ST14: variants seen among roughly 807,000 people sequenced by gnomAD.
ST14 encodes the protein suppressor of tumorigenicity 14 protein.
ST14 carries 40 observed loss-of-function variants against 96.5 expected under a neutral mutation model. That is an observed-to-expected ratio of 0.41 (90% CI 0.32 to 0.54). The LOEUF (loss-of-function observed/expected upper bound fraction) is 0.54, where lower values mean the gene tolerates loss of function less well. ST14 is among the 20% of genes least tolerant of loss of function. The pLI, the probability that ST14 is intolerant of heterozygous loss-of-function variation, is 0.17. For synonymous variants in ST14, 506 were observed against 492.1 expected (o/e 1.03, Z -0.37); for missense variants, 1,066 against 1,188.9 (o/e 0.90, Z 1.52).
intron 7 of ST14, 25 bp from the exon 8 acceptor site, chr11:130,194,124 T>C: frequency 6.2e-7 from 1 of 1,614,152 alleles, no homozygotes. Flanking sequence ...CTGCTCTTCC[T>C]AATGCCCGCC....
chr11:130,163,923 G>GA (rs1953021760), intron 1 of ST14, among the ~76,000 whole-genome samples: 1 of 152,202 alleles, frequency 6.6e-6, no homozygotes, highest in Admixed American at 6.5e-5. Flanking sequence ...TGCGGAAGGA[G>GA]AACGAGTCAC....
Position 130,190,691 on chromosome 11 carries a change from T to G in ST14, c.872T>G (p.Val291Gly). ...TLSPMEPHAL[V>G]QLCGTYPPSY... ...AGCCCCATGGAGCCCCACGCCCTGG[T>G]GCAGTGAGTACCCCGGGGGGCGGGT... The change falls in exon 7 of 19, where the codon GTG (valine) becomes GGG (glycine). Residue 291 changes from valine to glycine, a missense_variant. Transcript: ENST00000278742. 2 of 1,582,480 alleles carry G rather than the reference T, an allele frequency of 1.3e-6. No homozygotes were observed. Among genetic ancestry groups the G allele is most frequent in the Non-Finnish European group, 1.7e-6 (2 of 1,165,056 alleles).
intron 1 of ST14, among the ~76,000 whole-genome samples, chr11:130,182,290 T>C (rs1591883611): frequency 6.6e-6 from 1 of 152,178 alleles, no homozygotes; most frequent in African/African-American, 2.4e-5. Context: ...ATTATTTCAT[T>C]ACATTTCTTT....
Position 130,188,711 on chromosome 11 carries a change from T to G in ST14, c.369+54T>G. ...GGGCTGTGTGCGCTGGTGTCCCACC[T>G]GCTGGGCAGGAGGGACATGCCTCGC... On this transcript the variant is annotated intron_variant, in intron 3 of 18. Transcript: ENST00000278742. The surrounding 1 kb of genome is among the most constrained non-coding windows in gnomAD (Gnocchi z 5.4). 6.2e-7 allele frequency: 1 copy of G among 1,613,622 alleles called. No homozygotes were observed. The highest frequency in any genetic ancestry group is 8.5e-7 in the Non-Finnish European group (1 of 1,179,800).
intron 1 of ST14, among the ~76,000 whole-genome samples, chr11:130,163,669 G>A (rs1953016414): frequency 6.6e-6 from 1 of 152,224 alleles, no homozygotes; most frequent in Non-Finnish European, 1.5e-5. Context: ...GGATTGTCCT[G>A]TAGGTGGGGC....
At position 130,197,836 on chromosome 11, in the gene ST14, C is replaced by G. The variant is rs370651991; in HGVS notation, c.1355-5C>G. On this transcript the variant is annotated splice_region_variant and splice_polypyrimidine_tract_variant and intron_variant, in intron 11 of 18. Coordinates refer to ENST00000278742, the MANE Select transcript of ST14 (RefSeq NM_021978.4). ...TGGGGGCCTCAGGCCTGCCTGTGCC[C>G]GCAGCATGCCCGGGGCAGTTCACGT... 6.4e-7 allele frequency: 1 copy of G among 1,562,696 alleles called. No homozygotes were observed. The highest frequency in any genetic ancestry group is 2.4e-5 in the East Asian group (1 of 42,318).
chr11:130,197,582 G>A (rs963110631), intron 11 of ST14, among the ~76,000 whole-genome samples: 10 of 152,238 alleles, frequency 6.6e-5, no homozygotes, highest in African/African-American at 2.4e-4. Flanking sequence ...GGGCTTCCTG[G>A]GCTTCGATCC....
At chr11:130,209,366 G>A in intron 17 of ST14, 76 bp from the exon 18 acceptor site, 1 of 1,539,190 alleles carries the variant, frequency 6.5e-7, no homozygotes, top group Non-Finnish European at 8.8e-7. Context: ...CTAGTCCAAT[G>A]ACCCGTGGGG....
In ST14 at chr11:130,188,717, G is replaced by T. The variant is rs757758824; in HGVS notation, c.369+60G>T. On this transcript the variant is annotated intron_variant, in intron 3 of 18. Transcript: ENST00000278742. The surrounding 1 kb of genome is among the most constrained non-coding windows in gnomAD (Gnocchi z 5.4). ...TGTGCGCTGGTGTCCCACCTGCTGG[G>T]CAGGAGGGACATGCCTCGCCTGTGC... 7.4e-6 allele frequency: 12 copies of T among 1,613,416 alleles called. No homozygotes were observed. Among genetic ancestry groups the T allele is most frequent in the Non-Finnish European group, 1.0e-5 (12 of 1,179,844 alleles).
At chr11:130,175,275 G>T (rs906225881) in intron 1 of ST14, among the ~76,000 whole-genome samples, 48 of 152,038 alleles carry the variant, frequency 3.2e-4, no homozygotes, top group African/African-American at 1.0e-3. Flanking sequence ...GTCCCAGAGG[G>T]CTAGAACATA....
intron 10 of ST14, 59 bp from the exon 11 acceptor site, chr11:130,196,511 C>A (rs1953366171): frequency 3.2e-6 from 5 of 1,561,772 alleles, no homozygotes; most frequent in African/African-American, 2.7e-5. Flanking sequence ...TCCCACCAGA[C>A]CCCCAGCCCC....
chr11:130,198,385 G>T lies in ST14; in HGVS notation c.1537G>T (p.Asp513Tyr), dbSNP rs551890002. ...PLFWVCDSVNDCGDNSDEQGC... is the reference protein window; with the variant it reads ...PLFWVCDSVNYCGDNSDEQGC... Reference sequence around the variant, plus strand: ...CTTCTGGGTCTGCGACAGTGTGAACGACTGCGGAGACAACAGCGACGAGCA... The same window carrying T: ...CTTCTGGGTCTGCGACAGTGTGAACTACTGCGGAGACAACAGCGACGAGCA... The change falls in exon 13 of 19, where the codon GAC (aspartate) becomes TAC (tyrosine). Residue 513 changes from aspartate to tyrosine, a missense_variant. By Grantham distance (160) the Asp-to-Tyr change is radical (BLOSUM62 -3). Transcript: ENST00000278742. The T allele has an allele frequency of 2.5e-6, 4 of 1,614,182 alleles. No individual in the cohort carries two copies. The highest frequency in any genetic ancestry group is 3.4e-6 in the Non-Finnish European group (4 of 1,180,034).
chr11:130,190,223 G>T, intron 6 of ST14, 75 bp downstream of exon 6: 1 of 1,579,980 alleles, frequency 6.3e-7, no homozygotes, highest in Non-Finnish European at 8.7e-7. Flanking sequence ...AGCCAGTGGG[G>T]TCCCCAGAAG....
chr11:130,208,053 G>T (rs1953506986), intron 16 of ST14, among the ~76,000 whole-genome samples: 1 of 151,826 alleles, frequency 6.6e-6, no homozygotes, highest in Admixed American at 6.6e-5. Context: ...CAGTCTGGGT[G>T]ACAGAGCGAG....
rs937362383 is a variant in ST14, at chr11:130,188,459, A to G, written c.242-71A>G. The G allele has an allele frequency of 1.2e-6, 2 of 1,610,260 alleles. No homozygotes were observed. Among genetic ancestry groups the G allele is most frequent in the East Asian group, 2.2e-5 (1 of 44,858 alleles). The stretch of plus-strand genomic sequence containing the variant: ...GGCCCCCTCCTGGCATTCATTCCCC[A>G]TTGTGGACGGCGAGGGACAGGCGGG... On this transcript the variant is annotated intron_variant, in intron 2 of 18. Transcript: ENST00000278742. The surrounding 1 kb of genome is among the most constrained non-coding windows in gnomAD (Gnocchi z 5.4).
At chr11:130,198,049 T>C in intron 12 of ST14, 104 bp downstream of exon 12, 1 of 1,237,828 alleles carries the variant, frequency 8.1e-7, no homozygotes, top group Non-Finnish European at 1.1e-6. Context: ...CCGGAGGTGG[T>C]GGGAGTTTTT....
chr11:130,188,804 C>G lies in ST14; in HGVS notation c.370-65C>G. ...GACCCGGGCCCTGGAGGGGAGGGAG[C>G]AGCCCGGGCTTGGGGCAGGGTCATC... On this transcript the variant is annotated intron_variant, in intron 3 of 18. Transcript: ENST00000278742. This position sits in a 1 kb window ranked among gnomAD's most constrained non-coding sequence, Gnocchi z 5.4. 6.2e-7 allele frequency: 1 copy of G among 1,602,224 alleles called. No homozygotes were observed. Among genetic ancestry groups the G allele is most frequent in the South Asian group, 1.1e-5 (1 of 90,270 alleles).
At chr11:130,173,530 AG>A (rs1264414407) in intron 1 of ST14, among the ~76,000 whole-genome samples, 1 of 150,542 alleles carries the variant, frequency 6.6e-6, no homozygotes, top group East Asian at 2.0e-4. Flanking sequence ...TGGGAGGCGG[AG>A]GTTGTGGTGA....
chr11:130,169,604 C>T (rs1953071633), intron 1 of ST14, among the ~76,000 whole-genome samples: 1 of 152,062 alleles, frequency 6.6e-6, no homozygotes, highest in Admixed American at 6.6e-5. Flanking sequence ...TAATACTTAA[C>T]GTGAGTAGCG....
Sources: allele counts gnomAD v4.1 joint callset (sites outside exome capture counted in the v4.1 genomes callset), GRCh38; gene constraint gnomAD v4.1.1; non-coding constraint Gnocchi (gnomAD v3.1); transcripts MANE v1.5; gene names NCBI Gene and HGNC (gene_info 2026-07-23, HGNC 2026-07-21).